Variants in ZNF180 observed in about 807,000 individuals in gnomAD.
ZNF180 encodes the protein zinc finger protein 180 (HHZ168).
Under a neutral mutation model 11.8 loss-of-function variants are expected in ZNF180, and 11 were observed. That is an observed-to-expected ratio of 0.93 (90% CI 0.59 to 1.55). The LOEUF (loss-of-function observed/expected upper bound fraction) is 1.55. Among genes scored for constraint, ZNF180 ranks in the 40% most tolerant of loss-of-function variants. ZNF180 has a pLI of 0.00. For synonymous variants in ZNF180, 287 were observed against 257.7 expected (o/e 1.11, Z -1.09); for missense variants, 773 against 781.7 (o/e 0.99, Z 0.13).
rs1010431034 is a variant in ZNF180, at chr19:44,474,659, C to T, written c.*1743G>A. On this transcript the variant is annotated 3_prime_UTR_variant, in exon 5 of 5. Coordinates refer to ENST00000592529, the MANE Select transcript of ZNF180 (RefSeq NM_001278509.3). ...AGATGGTTAAAATAGGACAGACAGA[C>T]TTGGAACTTTGTTCAACTGTCTTAG... The T allele has an allele frequency of 2.1e-4, 32 of 152,298 alleles. No homozygotes were observed. The highest frequency in any genetic ancestry group is 7.7e-4 in the African/African-American group (32 of 41,552). The allele number at this position is 152,298 out of a possible 1,614,324, so 9.4% of individuals were successfully genotyped here. A position where few individuals can be genotyped will look rare whatever the true frequency, so the allele number is the denominator to read the frequency against.
chr19:44,490,544 T>A (rs1490484683), intron 2 of ZNF180, among the ~76,000 whole-genome samples: 1 of 152,050 alleles, frequency 6.6e-6, no homozygotes, highest in Non-Finnish European at 1.5e-5. Flanking sequence ...CTTAAAAAAA[T>A]GCCTGGGAAA....
Position 44,484,157 on chromosome 19 carries a change from G to A in ZNF180, c.126+204C>T, listed in dbSNP as rs141301074. ...CTACAGGCACCCGCCACCACACCCA[G>A]CTAACTTTTTTTGTATTTTTTTAGT... On this transcript the variant is annotated intron_variant, in intron 3 of 4. Coordinates refer to ENST00000592529, the MANE Select transcript of ZNF180 (RefSeq NM_001278509.3). Among the ~76,000 whole-genome samples, 1,450 of 152,076 alleles carry A rather than the reference G, an allele frequency of 9.5e-3. 20 individuals are homozygous for A. The highest frequency in any genetic ancestry group is 0.032 in the African/African-American group (1,326 of 41,462).
At position 44,500,497 on chromosome 19, in the gene ZNF180, G is replaced by A; in HGVS notation, c.-266C>T. Reference sequence around the variant, plus strand: ...AGCTGCTCGGCGACAGCAAGCGTCCGCGCGCGGGACAATGGCTGCTCTTGT... The same window carrying A: ...AGCTGCTCGGCGACAGCAAGCGTCCACGCGCGGGACAATGGCTGCTCTTGT... On this transcript the variant is annotated 5_prime_UTR_variant, in exon 1 of 5. Coordinates refer to ENST00000592529, the MANE Select transcript of ZNF180 (RefSeq NM_001278509.3). The A allele has an allele frequency of 1.8e-6, 1 of 545,960 alleles. No individual in the cohort carries two copies. The allele number at this position is 545,960 out of a possible 1,614,324, so 33.8% of individuals were successfully genotyped here.
At chr19:44,481,365 C>T (rs879821407) in intron 3 of ZNF180, among the ~76,000 whole-genome samples, 5 of 152,240 alleles carry the variant, frequency 3.3e-5, no homozygotes, top group South Asian at 2.1e-4. Context: ...ATTAGCCCAA[C>T]GTGAAATTCA....
intron 2 of ZNF180, among the ~76,000 whole-genome samples, chr19:44,486,284 A>C (rs151127635): frequency 1.4e-3 from 211 of 152,352 alleles, no homozygotes; most frequent in African/African-American, 4.9e-3. Flanking sequence ...AAAGCATTAA[A>C]AGGAGTTATT....
rs979243875 is a variant in ZNF180 at position 44,479,361 on chromosome 19, G to T, written c.175C>A (p.Gln59Lys). ...IVTVDFTREE[Q>K]GTCNPAQRTL... ...CTCTGAGCAGGGTTGCAAGTACCCT[G>T]TTCCTCCCGTGTGAAGTCCACAGTC... Residue 59 changes from glutamine to lysine, a missense_variant, in exon 4 of 5, where the codon CAG (glutamine) becomes AAG (lysine). By Grantham distance (53) the Gln-to-Lys change is moderately conservative (BLOSUM62 1). Transcript: ENST00000592529. 6.8e-6 allele frequency: 11 copies of T among 1,613,994 alleles called. No individual in the cohort carries two copies. The South Asian group carries it at 1.1e-4, about 16-fold the overall frequency.
chr19:44,483,377 A>G (rs1970133527), intron 3 of ZNF180, among the ~76,000 whole-genome samples: 1 of 152,224 alleles, frequency 6.6e-6, no homozygotes. Flanking sequence ...CAAAAACTAA[A>G]TGAATCTGAA....
At chr19:44,498,439 C>T (rs1003887727) in intron 1 of ZNF180, among the ~76,000 whole-genome samples, 2 of 152,298 alleles carry the variant, frequency 1.3e-5, no homozygotes, top group East Asian at 1.9e-4. Flanking sequence ...TGCACCCAAA[C>T]TGTTTCCTCC....
intron 3 of ZNF180, among the ~76,000 whole-genome samples, chr19:44,479,920 T>C (rs908958444): frequency 6.6e-6 from 1 of 152,150 alleles, no homozygotes. Context: ...TTACAATAGA[T>C]CTTTATTTAC....
chr19:44,484,701 G>A (rs1970177829), intron 2 of ZNF180: 2 of 509,336 alleles, frequency 3.9e-6, no homozygotes, highest in African/African-American at 1.9e-5. Context: ...GCAGCTAAAT[G>A]CAGCTGACTG....
chr19:44,499,110 CACT>C (rs1253550723), intron 1 of ZNF180, among the ~76,000 whole-genome samples: 1 of 152,232 alleles, frequency 6.6e-6, no homozygotes, highest in Non-Finnish European at 1.5e-5. Context: ...GCAGCCAGGA[CACT>C]ACAACAACTA....
At chr19:44,487,164 T>G (rs987853495) in intron 2 of ZNF180, among the ~76,000 whole-genome samples, 1 of 152,232 alleles carries the variant, frequency 6.6e-6, no homozygotes, top group Non-Finnish European at 1.5e-5. Context: ...AAGGTATAAG[T>G]GTGTCAATTT....
At chr19:44,500,201 C>G in intron 1 of ZNF180, 74 bp downstream of exon 1, 1 of 1,614,190 alleles carries the variant, frequency 6.2e-7, no homozygotes, top group Non-Finnish European at 8.5e-7. Flanking sequence ...CACTCACCAC[C>G]GCTTCCAGCT....
In ZNF180 at chr19:44,495,996, T is replaced by C. The variant is rs1278136897; in HGVS notation, c.51+1288A>G. ...AGAAATTAAGAGTTTTCAAAGAATA[T>C]TTGCGGTGGGAAATGTTCTAAATTG... On this transcript the variant is annotated intron_variant, in intron 2 of 4. Coordinates refer to ENST00000592529, the MANE Select transcript of ZNF180 (RefSeq NM_001278509.3). The surrounding 1 kb of genome is among the most constrained non-coding windows in gnomAD (Gnocchi z 4.5). Among the ~76,000 whole-genome samples, 3 of 152,130 alleles carry C rather than the reference T, an allele frequency of 2.0e-5. No individual in the cohort carries two copies.
Position 44,476,453 on chromosome 19 carries a change from A to G in ZNF180, c.1947T>C (p.Leu649=), listed in dbSNP as rs751518663. ...CAGTATGAGTTGCCTGATGCCTAAT[A>G]AGTTTATAGCTATTAATGAAAGCTT... ...CGKAFINSYK[L]IRHQATHTEE... The change falls in exon 5 of 5, where the codon CTT becomes CTC. Residue 649 remains leucine (L), a synonymous_variant. Coordinates refer to ENST00000592529, the MANE Select transcript of ZNF180 (RefSeq NM_001278509.3). 8 of 1,611,544 alleles carry G rather than the reference A, an allele frequency of 5.0e-6. No individual in the cohort carries two copies. Among genetic ancestry groups the G allele is most frequent in the Non-Finnish European group, 6.8e-6 (8 of 1,178,458 alleles).
intron 4 of ZNF180, among the ~76,000 whole-genome samples, chr19:44,478,811 G>A (rs1017138534): frequency 1.3e-5 from 2 of 152,158 alleles, no homozygotes; most frequent in African/African-American, 2.4e-5. Flanking sequence ...TCCACCAGGA[G>A]GTGGGAAATG....
rs992622162 is a variant in ZNF180 at position 44,477,935 on chromosome 19, T to C, written c.465A>G (p.Lys155=). 2 of 1,613,898 alleles carry C rather than the reference T, an allele frequency of 1.2e-6. No individual in the cohort carries two copies. The highest frequency in any genetic ancestry group is 2.7e-5 in the African/African-American group (2 of 74,944). Residue 155 remains lysine (K), a synonymous_variant, in exon 5 of 5, where the codon AAA becomes AAG. Coordinates refer to ENST00000592529, the MANE Select transcript of ZNF180 (RefSeq NM_001278509.3). ...LLQEVAFTQR[K]AVIHERVCKS... ...TGCAGACTCTCTCATGAATAACTGC[T>C]TTCCTTTGAGTGAATGCCACTTCCT...
chr19:44,500,068 A>T lies in ZNF180; in HGVS notation c.-44+207T>A. 3 of 1,391,282 alleles carry T rather than the reference A, an allele frequency of 2.2e-6. No individual in the cohort carries two copies. In the South Asian group the frequency reaches 3.6e-5, roughly 17 times the overall value. The allele number at this position is 1,391,282 out of a possible 1,614,324, so 86.2% of individuals were successfully genotyped here. ...AGGCCCCAGACAAGAGCACCACCTG[A>T]CCAAGCACCCGCGCATGCACGCAGA... On this transcript the variant is annotated intron_variant, in intron 1 of 4. Coordinates refer to ENST00000592529, the MANE Select transcript of ZNF180 (RefSeq NM_001278509.3).
chr19:44,482,389 CT>C (rs1334240818), intron 3 of ZNF180, among the ~76,000 whole-genome samples: 1 of 152,180 alleles, frequency 6.6e-6, no homozygotes, highest in Non-Finnish European at 1.5e-5. Context: ...TTAATGGAGA[CT>C]TATACTTCCT....
Sources: allele counts gnomAD v4.1 joint callset (sites outside exome capture counted in the v4.1 genomes callset), GRCh38; gene constraint gnomAD v4.1.1; non-coding constraint Gnocchi (gnomAD v3.1); transcripts MANE v1.5; gene names NCBI Gene and HGNC (gene_info 2026-07-23, HGNC 2026-07-21).